The following USPL1 variants were observed in gnomAD, a reference collection of about 807,000 sequenced individuals.
The protein encoded by USPL1 is SUMO-specific isopeptidase USPL1.
USPL1 carries 27 observed loss-of-function variants against 51.5 expected under a neutral mutation model. That is an observed-to-expected ratio of 0.52 (90% CI 0.39 to 0.72). USPL1 has a LOEUF of 0.72. USPL1 is among the 30% of genes least tolerant of loss of function. The pLI, the probability that USPL1 is intolerant of heterozygous loss-of-function variation, is 0.00. For synonymous variants in USPL1, 451 were observed against 459.6 expected (o/e 0.98, Z 0.24); for missense variants, 1,226 against 1,268.0 (o/e 0.97, Z 0.50).
At chr13:30,633,733 A>G (rs1950837461) in intron 4 of USPL1, among the ~76,000 whole-genome samples, 1 of 148,914 alleles carries the variant, frequency 6.7e-6, no homozygotes. Flanking sequence ...TGAACCTGGG[A>G]TCACGCCACT....
In USPL1 at chr13:30,658,658, G is replaced by A; in HGVS notation, c.2581G>A (p.Ala861Thr). ...LEKSGSTSCG[A>T]QLNHSSYGNG... ...AAAGTCTGGAAGCACCTCATGTGGAGCTCAACTCAACCACAGTTCTTATGG... is the reference window on the plus strand; with the variant it reads ...AAAGTCTGGAAGCACCTCATGTGGAACTCAACTCAACCACAGTTCTTATGG... Residue 861 changes from alanine (A) to threonine (T), a missense_variant, in exon 9 of 9, where the codon GCT becomes ACT. Physicochemically the swap from Ala to Thr is moderately conservative, Grantham distance 58 (BLOSUM62 0). Coordinates refer to ENST00000255304, the MANE Select transcript of USPL1 (RefSeq NM_005800.5). The A allele has an allele frequency of 6.2e-7, 1 of 1,614,232 alleles. No individual in the cohort carries two copies. The highest frequency in any genetic ancestry group is 8.5e-7 in the Non-Finnish European group (1 of 1,180,042).
At chr13:30,653,591 GT>G (rs930179698) in intron 8 of USPL1, among the ~76,000 whole-genome samples, 21 of 151,032 alleles carry the variant, frequency 1.4e-4, no homozygotes, top group African/African-American at 2.7e-4. Flanking sequence ...TGTTAGCTCA[GT>G]TTTTTTTTCC....
At chr13:30,637,626 TGC>T in intron 4 of USPL1, 116 bp from the exon 5 acceptor site, 1 of 751,376 alleles carries the variant, frequency 1.3e-6, no homozygotes, top group South Asian at 1.8e-5. Flanking sequence ...TTTTGTGTTT[TGC>T]TTTTTGTCTG....
At chr13:30,653,594 T>C (rs1490899255) in intron 8 of USPL1, among the ~76,000 whole-genome samples, 1 of 152,228 alleles carries the variant, frequency 6.6e-6, no homozygotes, top group Non-Finnish European at 1.5e-5. Flanking sequence ...TAGCTCAGTT[T>C]TTTTTTCCCT....
chr13:30,642,462 G>T (rs1279869549), intron 5 of USPL1, among the ~76,000 whole-genome samples, 166 bp from the exon 6 acceptor site: 1 of 152,126 alleles, frequency 6.6e-6, no homozygotes, highest in African/African-American at 2.4e-5. Flanking sequence ...TTAGAAAAAT[G>T]CTTTATAAAC....
intron 7 of USPL1, among the ~76,000 whole-genome samples, chr13:30,650,350 A>G (rs566925299): frequency 4.9e-4 from 74 of 150,972 alleles, no homozygotes; most frequent in Admixed American, 1.4e-3. Context: ...GCTGAAGCGG[A>G]CAGATCACCT....
At chr13:30,626,922 T>C (rs1345393044) in intron 3 of USPL1, among the ~76,000 whole-genome samples, 1 of 152,110 alleles carries the variant, frequency 6.6e-6, no homozygotes, top group Non-Finnish European at 1.5e-5. Context: ...AAAGAAAACT[T>C]TTTTTGTTTT....
intron 1 of USPL1, among the ~76,000 whole-genome samples, chr13:30,618,513 T>C (rs1298038972): frequency 6.6e-6 from 1 of 152,044 alleles, no homozygotes; most frequent in Non-Finnish European, 1.5e-5. Flanking sequence ...GAGGGCGAGC[T>C]CAAATGGGTG....
intron 3 of USPL1, among the ~76,000 whole-genome samples, chr13:30,624,462 A>T (rs902147196): frequency 5.1e-4 from 78 of 151,954 alleles, no homozygotes; most frequent in African/African-American, 1.8e-3. Flanking sequence ...AAAAAAAAAA[A>T]TTTAAATTAG....
intron 3 of USPL1, among the ~76,000 whole-genome samples, chr13:30,624,149 G>A (rs1191322579): frequency 6.6e-6 from 1 of 152,130 alleles, no homozygotes; most frequent in African/African-American, 2.4e-5. Flanking sequence ...TCTCTAGGTA[G>A]ATAACATCCA....
chr13:30,657,565 T>G lies in USPL1; in HGVS notation c.1488T>G (p.Ile496Met). ...CTGCTTCAGAGATACATATTGTTATTTGGGAAAGAAAAATATCCCAAGTGA... is the reference window on the plus strand; with the variant it reads ...CTGCTTCAGAGATACATATTGTTATGTGGGAAAGAAAAATATCCCAAGTGA... ...EVPASEIHIV[I>M]WERKISQVTD... Residue 496 changes from isoleucine to methionine, a missense_variant, in exon 9 of 9, where the codon ATT becomes ATG. Transcript: ENST00000255304. 1 of 1,614,198 alleles carries G rather than the reference T, an allele frequency of 6.2e-7. No individual in the cohort carries two copies. The highest frequency in any genetic ancestry group is 8.5e-7 in the Non-Finnish European group (1 of 1,180,028).
chr13:30,659,201 C>G lies in USPL1; in HGVS notation c.3124C>G (p.Leu1042Val), dbSNP rs200560427. 2.5e-6 allele frequency: 4 copies of G among 1,614,156 alleles called. No individual in the cohort carries two copies. The highest frequency in any genetic ancestry group is 3.3e-5 in the Admixed American group (2 of 60,028). ...KNPCEVQPDSLTNNACVRTLN... is the reference protein window; with the variant it reads ...KNPCEVQPDSVTNNACVRTLN... ...TCCATGTGAAGTTCAGCCAGACTCT[C>G]TGACAAATAATGCCTGCGTTAGAAC... Residue 1042 changes from leucine to valine, a missense_variant, in exon 9 of 9, where the codon CTG becomes GTG. Coordinates refer to ENST00000255304, the MANE Select transcript of USPL1 (RefSeq NM_005800.5).
At chr13:30,646,610 A>G (rs958691269) in intron 6 of USPL1, among the ~76,000 whole-genome samples, 5 of 152,236 alleles carry the variant, frequency 3.3e-5, no homozygotes, top group African/African-American at 9.6e-5. Flanking sequence ...AGGAGAGGCC[A>G]GGGATGATGC....
Position 30,631,260 on chromosome 13 carries a change from T to G in USPL1, c.654T>G (p.Cys218Trp). Residue 218 changes from cysteine (C) to tryptophan (W), a missense_variant, in exon 4 of 9, where the codon TGT (cysteine) becomes TGG (tryptophan). Coordinates refer to ENST00000255304, the MANE Select transcript of USPL1 (RefSeq NM_005800.5). The stretch of plus-strand genomic sequence containing the variant: ...TGGAAATGCCACTGGAGAGCAAATG[T>G]ACATCATTTCCCCAGGCTTTATGTG... ...SKLEMPLESK[C>W]TSFPQALCVQ... The G allele has an allele frequency of 1.9e-6, 3 of 1,614,216 alleles. No homozygotes were observed. Among genetic ancestry groups the G allele is most frequent in the Non-Finnish European group, 2.5e-6 (3 of 1,180,036 alleles).
At chr13:30,626,262 A>G (rs771789320) in intron 3 of USPL1, among the ~76,000 whole-genome samples, 1 of 152,130 alleles carries the variant, frequency 6.6e-6, no homozygotes, top group African/African-American at 2.4e-5. Flanking sequence ...GCAGTGAGCC[A>G]AGATTTGAGC....
intron 6 of USPL1, among the ~76,000 whole-genome samples, chr13:30,646,464 T>A (rs1269599047): frequency 6.6e-6 from 1 of 152,160 alleles, no homozygotes; most frequent in Non-Finnish European, 1.5e-5. Flanking sequence ...CCAGTTTGAG[T>A]TATTTGAGTA....
Position 30,621,903 on chromosome 13 carries a change from A to C in USPL1, c.228+11A>C, listed in dbSNP as rs1230467135. ...TGTGAGGATCTGCAGGTAAAGTATT[A>C]ATCTTATATAGTATATATAAGATTT... On this transcript the variant is annotated intron_variant, in intron 3 of 8. Coordinates refer to ENST00000255304, the MANE Select transcript of USPL1 (RefSeq NM_005800.5). 4 of 1,487,116 alleles carry C rather than the reference A, an allele frequency of 2.7e-6. No homozygotes were observed. The African/African-American group carries it at 5.8e-5, about 22-fold the overall frequency. 92.1% of individuals were successfully genotyped at this position (1,487,116 alleles called of 1,614,324 possible). A position where few individuals can be genotyped will look rare whatever the true frequency, so the allele number is the denominator to read the frequency against.
intron 5 of USPL1, among the ~76,000 whole-genome samples, chr13:30,638,685 T>A (rs984530108): frequency 8.6e-5 from 13 of 151,916 alleles, no homozygotes; most frequent in Admixed American, 8.5e-4. Flanking sequence ...TAGCAGAATA[T>A]GATACTCCCT....
At chr13:30,645,098 ACACACTTAGG>A (rs1374764582) in intron 6 of USPL1, among the ~76,000 whole-genome samples, 1 of 152,156 alleles carries the variant, frequency 6.6e-6, no homozygotes, top group African/African-American at 2.4e-5. Flanking sequence ...GAGTCAGGAG[ACACACTTAGG>A]CTCTTCTGGC....
Sources: gnomAD v4.1 joint callset for allele counts (sites outside exome capture counted in the v4.1 genomes callset) on GRCh38, gnomAD v4.1.1 for gene constraint, MANE v1.5 for transcripts, NCBI Gene and HGNC (gene_info 2026-07-23, HGNC 2026-07-21) for gene names.